BTAF1: variants seen among roughly 807,000 people sequenced by gnomAD.
BTAF1 encodes B-TFIID TATA-box binding protein associated factor 1, also known as TATA-binding protein-associated factor 172.
Under a neutral mutation model 227.1 loss-of-function variants are expected in BTAF1, and 38 were observed. The observed-to-expected ratio is 0.17, with a 90% CI of 0.13 to 0.22. The LOEUF (loss-of-function observed/expected upper bound fraction) is 0.22. Among genes scored for constraint, BTAF1 ranks in the 10% least tolerant of loss-of-function variants. BTAF1 has a pLI of 1.00. For missense variants in BTAF1, 1,598 were observed against 2,204.0 expected, an observed-to-expected ratio of 0.73 and a Z score of 5.51; for synonymous variants, 742 against 751.9, an observed-to-expected ratio of 0.99 and a Z score of 0.21.
In BTAF1 at chr10:91,992,237, C is replaced by CAAAGCAGTA; in HGVS notation, c.2979_2987dup (p.Val994_Ala996dup). 1.5e-5 allele frequency: 24 copies of CAAAGCAGTA among 1,613,632 alleles called. No homozygotes were observed. Among genetic ancestry groups the CAAAGCAGTA allele is most frequent in the Non-Finnish European group, 2.0e-5 (24 of 1,179,948 alleles). On this transcript the variant is annotated inframe_insertion, in exon 21 of 38. Transcript: ENST00000265990. ...TCACAAGTAGGCGAGGTCCTACCCC[C>CAAAGCAGTA]AAAGCAGTAAAAGCTCAAATAGCAG...
Position 92,012,453 on chromosome 10 carries a change from A to G in BTAF1, c.4311+1038A>G, listed in dbSNP as rs1189699101. 2.7e-5 allele frequency among the ~76,000 whole-genome samples: 4 copies of G among 148,720 alleles called. No homozygotes were observed. In the East Asian group the frequency reaches 6.0e-4, roughly 22 times the overall value. Reference sequence around the variant, plus strand: ...CTAATAACCGCAAGAGATAATTACAAGCCTTTCTAAATTTATCAAAAGTTT... The same window carrying G: ...CTAATAACCGCAAGAGATAATTACAGGCCTTTCTAAATTTATCAAAAGTTT... On this transcript the variant is annotated intron_variant, in intron 30 of 37. Transcript: ENST00000265990.
chr10:91,951,696 T>A (rs1845771819), intron 5 of BTAF1, 130 bp downstream of exon 5: 1 of 956,292 alleles, frequency 1.0e-6, no homozygotes, highest in African/African-American at 1.7e-5. Context: ...GCCACCATAA[T>A]TTAGCATCTT....
At chr10:91,992,872 G>T (rs1848894992) in intron 21 of BTAF1, among the ~76,000 whole-genome samples, 1 of 152,060 alleles carries the variant, frequency 6.6e-6, no homozygotes, top group African/African-American at 2.4e-5. Context: ...ACAAGCAGTG[G>T]TTTTTAAAAA....
intron 8 of BTAF1, 46 bp downstream of exon 8, chr10:91,957,339 T>C (rs373136950): frequency 6.7e-7 from 1 of 1,483,250 alleles, no homozygotes; most frequent in East Asian, 2.3e-5. Context: ...TTTTCTGTGC[T>C]AATGAAGGGA....
At chr10:91,929,027 T>A (rs1266631631) in intron 1 of BTAF1, among the ~76,000 whole-genome samples, 2 of 152,136 alleles carry the variant, frequency 1.3e-5, no homozygotes, top group African/African-American at 4.8e-5. Flanking sequence ...TTGCCCAGGC[T>A]GGTTGCAAAC....
At chr10:91,998,748 C>A (rs1457441590) in intron 25 of BTAF1, among the ~76,000 whole-genome samples, 1 of 152,044 alleles carries the variant, frequency 6.6e-6, no homozygotes, top group Non-Finnish European at 1.5e-5. Context: ...TTGTTACCAG[C>A]TTTTATTAAT....
intron 25 of BTAF1, among the ~76,000 whole-genome samples, chr10:92,001,400 A>C (rs951629913): frequency 6.6e-6 from 1 of 152,140 alleles, no homozygotes; most frequent in Non-Finnish European, 1.5e-5. Context: ...GAGTAGGTGG[A>C]GCAATTTCCA....
rs1034147745 is a variant in BTAF1, at chr10:92,008,288, C to T, written c.3813+13C>T. 1 of 1,552,112 alleles carries T rather than the reference C, an allele frequency of 6.4e-7. No individual in the cohort carries two copies. The highest frequency in any genetic ancestry group is 1.4e-5 in the African/African-American group (1 of 70,518). ...AAAATATCAGCAGGTAAGTTTTATA[C>T]AATAGTGAGTTTTCCTTTCAAATGA... On this transcript the variant is annotated intron_variant, in intron 26 of 37. Transcript: ENST00000265990.
intron 2 of BTAF1, 56 bp from the exon 3 acceptor site, chr10:91,939,896 C>A: frequency 8.4e-7 from 1 of 1,188,200 alleles, no homozygotes; most frequent in Non-Finnish European, 1.2e-6. Flanking sequence ...TCTGTTCTGG[C>A]TACCTTGCGC....
At chr10:91,953,081 T>C (rs968433970) in intron 5 of BTAF1, among the ~76,000 whole-genome samples, 1 of 152,240 alleles carries the variant, frequency 6.6e-6, no homozygotes, top group Non-Finnish European at 1.5e-5. Context: ...TATGTGCCCA[T>C]GGTTCTTGAT....
At chr10:91,996,038 T>C (rs955243470) in intron 23 of BTAF1, among the ~76,000 whole-genome samples, 12 of 152,212 alleles carry the variant, frequency 7.9e-5, no homozygotes, top group Non-Finnish European at 4.4e-5. Flanking sequence ...GTTTTCCAGC[T>C]TCAGTAGGAG....
At chr10:92,028,031 A>G (rs1379041771) in intron 37 of BTAF1, among the ~76,000 whole-genome samples, 5 of 152,214 alleles carry the variant, frequency 3.3e-5, no homozygotes, top group Non-Finnish European at 7.4e-5. Context: ...TTGGGGAGCT[A>G]CATTTTAAAT....
chr10:92,009,250 CATAATT>C (rs763632561), intron 28 of BTAF1, 42 bp downstream of exon 28: 1 of 1,578,424 alleles, frequency 6.3e-7, no homozygotes, highest in African/African-American at 1.4e-5. Flanking sequence ...CATCTGTTGT[CATAATT>C]AAGATAAGGA....
intron 4 of BTAF1, among the ~76,000 whole-genome samples, chr10:91,947,670 T>C (rs1414849655): frequency 6.6e-6 from 1 of 151,182 alleles, no homozygotes; most frequent in Non-Finnish European, 1.5e-5. Flanking sequence ...TTTTCAAGAT[T>C]GTTTTGGTTA....
intron 1 of BTAF1, 97 bp downstream of exon 1, chr10:91,924,187 GTCACTGGGC>G (rs1241054261): frequency 6.7e-7 from 1 of 1,491,788 alleles, no homozygotes; most frequent in African/African-American, 1.4e-5. Flanking sequence ...GGTTCTCATT[GTCACTGGGC>G]TCTGGAGCTT....
chr10:91,977,159 A>AG (rs537113082), intron 14 of BTAF1, among the ~76,000 whole-genome samples: 14 of 152,258 alleles, frequency 9.2e-5, no homozygotes, highest in African/African-American at 3.1e-4. Flanking sequence ...GCAACATGGA[A>AG]GGGGGGTATA....
chr10:92,013,644 A>C lies in BTAF1; in HGVS notation c.4312-23A>C, dbSNP rs753205586. ...TAAGGAAATAATCCCAGTACAAAAGATAATTGGTGTTCCTGTTTACAGAAC... is the reference window on the plus strand; with the variant it reads ...TAAGGAAATAATCCCAGTACAAAAGCTAATTGGTGTTCCTGTTTACAGAAC... On this transcript the variant is annotated intron_variant, in intron 30 of 37. Transcript: ENST00000265990. 6 of 1,613,950 alleles carry C rather than the reference A, an allele frequency of 3.7e-6. No homozygotes were observed. In the South Asian group the frequency reaches 5.5e-5, roughly 15 times the overall value.
intron 21 of BTAF1, 80 bp downstream of exon 21, chr10:91,992,389 A>G (rs1848854173): frequency 7.7e-7 from 1 of 1,300,422 alleles, no homozygotes; most frequent in African/African-American, 1.5e-5. Context: ...AAGTTGTATT[A>G]GCTTCCAGAG....
chr10:92,027,912 GTA>G (rs1851634028), intron 37 of BTAF1, among the ~76,000 whole-genome samples: 1 of 152,090 alleles, frequency 6.6e-6, no homozygotes, highest in Non-Finnish European at 1.5e-5. Flanking sequence ...TTATGGTGGG[GTA>G]TATGATGATT....
Sources: gnomAD v4.1 joint callset for allele counts (sites outside exome capture counted in the v4.1 genomes callset) on GRCh38, gnomAD v4.1.1 for gene constraint, MANE v1.5 for transcripts, NCBI Gene and HGNC (gene_info 2026-07-23, HGNC 2026-07-21) for gene names.